The following SLC9A9 variants were observed in gnomAD, a reference collection of about 807,000 sequenced individuals.
SLC9A9 encodes sodium/hydrogen exchanger 9.
SLC9A9 carries 62 observed loss-of-function variants against 77.8 expected under a neutral mutation model. The observed-to-expected ratio is 0.80, with a 90% CI of 0.65 to 0.98. SLC9A9 has a LOEUF of 0.98. SLC9A9 is among the 50% of genes least tolerant of loss of function. The pLI is 0.00. For synonymous variants in SLC9A9, 320 were observed against 283.5 expected, an observed-to-expected ratio of 1.13 and a Z score of -1.29; for missense variants, 775 against 774.9, an observed-to-expected ratio of 1.00 and a Z score of 0.00.
At chr3:143,781,117 G>A (rs36086202) in intron 4 of SLC9A9, among the ~76,000 whole-genome samples, 83,188 of 151,894 alleles carry the variant, frequency 0.55, 25,016 homozygotes, top group African/African-American at 0.79. Context: ...AGCCAATATT[G>A]GTACATTATT....
chr3:143,350,834 C>T (rs555474553), intron 14 of SLC9A9, among the ~76,000 whole-genome samples: 1 of 152,302 alleles, frequency 6.6e-6, no homozygotes, highest in East Asian at 1.9e-4. Context: ...CTCCGTGTTG[C>T]TTCTCTCTCC....
At chr3:143,311,758 C>A (rs1260486814) in intron 14 of SLC9A9, among the ~76,000 whole-genome samples, 1 of 152,210 alleles carries the variant, frequency 6.6e-6, no homozygotes, top group South Asian at 2.1e-4. Context: ...GAACTATGTT[C>A]TGAATGTTCT....
At chr3:143,808,519 G>A (rs2008783145) in intron 2 of SLC9A9, among the ~76,000 whole-genome samples, 1 of 152,202 alleles carries the variant, frequency 6.6e-6, no homozygotes, top group Non-Finnish European at 1.5e-5. Context: ...TTGAAGAGAA[G>A]CACCAATGTT....
intron 1 of SLC9A9, among the ~76,000 whole-genome samples, chr3:143,834,352 A>G (rs2108891194): frequency 6.6e-6 from 1 of 152,306 alleles, no homozygotes; most frequent in Admixed American, 6.5e-5. Flanking sequence ...TCTACACTCT[A>G]CGTGGCTTAG....
At chr3:143,705,294 G>C (rs1394077603) in intron 4 of SLC9A9, among the ~76,000 whole-genome samples, 1 of 152,008 alleles carries the variant, frequency 6.6e-6, no homozygotes, top group Non-Finnish European at 1.5e-5. Flanking sequence ...ACAGAAGCTG[G>C]GAAGGGTAGT....
chr3:143,453,973 G>A (rs2035049605), intron 12 of SLC9A9, among the ~76,000 whole-genome samples: 1 of 152,102 alleles, frequency 6.6e-6, no homozygotes, highest in African/African-American at 2.4e-5. Flanking sequence ...TCTGTCATGT[G>A]AGGACATAGT....
intron 4 of SLC9A9, among the ~76,000 whole-genome samples, chr3:143,722,472 C>CAAAAAAAAAAAA (rs60995925): frequency 3.4e-5 from 2 of 58,340 alleles, no homozygotes; most frequent in South Asian, 1.2e-3. Flanking sequence ...GACTCCATCT[C>CAAAAAAAAAAAA]AAAAAAAAAA....
chr3:143,310,302 G>A (rs2030967334), intron 14 of SLC9A9, among the ~76,000 whole-genome samples: 1 of 152,158 alleles, frequency 6.6e-6, no homozygotes, highest in South Asian at 2.1e-4. Flanking sequence ...CAACTAGTTT[G>A]AGCCTGCCTG....
intron 13 of SLC9A9, among the ~76,000 whole-genome samples, chr3:143,367,048 C>G (rs4839592): frequency 0.04 from 6,035 of 152,250 alleles, 186 homozygotes; most frequent in East Asian, 0.18. Flanking sequence ...TGGTTTCAAG[C>G]GTTTCCCAAG....
At chr3:143,295,109 TGACAAA>T (rs1286470382) in intron 14 of SLC9A9, among the ~76,000 whole-genome samples, 2 of 152,220 alleles carry the variant, frequency 1.3e-5, no homozygotes, top group African/African-American at 2.4e-5. Context: ...AAGATTGTTT[TGACAAA>T]AAGTTAAAAT....
At chr3:143,304,924 T>A (rs1213746442) in intron 14 of SLC9A9, among the ~76,000 whole-genome samples, 2 of 152,202 alleles carry the variant, frequency 1.3e-5, no homozygotes, top group Non-Finnish European at 2.9e-5. Context: ...TAGCTCCTCC[T>A]GCTGGTGTTT....
chr3:143,535,474 T>C (rs1245754834), intron 9 of SLC9A9, among the ~76,000 whole-genome samples: 1 of 152,228 alleles, frequency 6.6e-6, no homozygotes, highest in Non-Finnish European at 1.5e-5. Context: ...TTTTGTTTGT[T>C]TAACTTTGGA....
intron 2 of SLC9A9, among the ~76,000 whole-genome samples, chr3:143,826,471 CT>C (rs1375481327): frequency 6.6e-6 from 1 of 152,140 alleles, no homozygotes; most frequent in Non-Finnish European, 1.5e-5. Context: ...GCATCTACCT[CT>C]TGGTTACCAT....
At chr3:143,277,952 G>A (rs901582426) in intron 14 of SLC9A9, among the ~76,000 whole-genome samples, 1 of 152,164 alleles carries the variant, frequency 6.6e-6, no homozygotes, top group African/African-American at 2.4e-5. Flanking sequence ...TAGAGTTTTA[G>A]CTAGCTACCC....
At chr3:143,630,101 G>T (rs2038396149) in intron 6 of SLC9A9, among the ~76,000 whole-genome samples, 1 of 151,622 alleles carries the variant, frequency 6.6e-6, no homozygotes, top group African/African-American at 2.4e-5. Context: ...TGGCCTGGGG[G>T]AAAAAGAGAA....
At chr3:143,769,410 A>G (rs1359584226) in intron 4 of SLC9A9, among the ~76,000 whole-genome samples, 1 of 152,150 alleles carries the variant, frequency 6.6e-6, no homozygotes, top group African/African-American at 2.4e-5. Flanking sequence ...AAACAAGCCC[A>G]TATTGAATTC....
intron 8 of SLC9A9, among the ~76,000 whole-genome samples, chr3:143,563,457 A>G (rs2037119976): frequency 6.6e-6 from 1 of 152,212 alleles, no homozygotes; most frequent in Non-Finnish European, 1.5e-5. Flanking sequence ...GTCAGAAGAC[A>G]TAGGATCTAT....
intron 2 of SLC9A9, among the ~76,000 whole-genome samples, chr3:143,799,887 CT>C (rs1232596917): frequency 2.6e-5 from 4 of 152,212 alleles, no homozygotes; most frequent in Non-Finnish European, 5.9e-5. Flanking sequence ...TCCACATTAT[CT>C]TCTTTTCAAG....
intron 4 of SLC9A9, among the ~76,000 whole-genome samples, chr3:143,698,692 C>T (rs1458647625): frequency 6.6e-6 from 1 of 151,360 alleles, no homozygotes; most frequent in East Asian, 1.9e-4. Context: ...GAATCCTCCT[C>T]CTCCTCCCTC....
Sources: allele counts gnomAD v4.1 joint callset (sites outside exome capture counted in the v4.1 genomes callset), GRCh38; gene constraint gnomAD v4.1.1; transcripts MANE v1.5; gene names NCBI Gene and HGNC (gene_info 2026-07-23, HGNC 2026-07-21).